Variants in ZFPM2 observed in about 807,000 individuals in gnomAD.
ZFPM2 encodes the protein zinc finger protein, FOG family member 2.
A neutral mutation model predicts 98.6 loss-of-function variants in ZFPM2; 20 were observed. The ratio of observed to expected loss-of-function variants is 0.20; its 90% CI spans 0.14 to 0.29. ZFPM2 has a LOEUF of 0.29. ZFPM2 is among the 10% of genes least tolerant of loss of function. ZFPM2 has a pLI of 1.00. For synonymous variants in ZFPM2, 518 were observed against 502.7 expected, an observed-to-expected ratio of 1.03 and a Z score of -0.41; for missense variants, 1,310 against 1,388.6, an observed-to-expected ratio of 0.94 and a Z score of 0.90.
intron 2 of ZFPM2, among the ~76,000 whole-genome samples, chr8:105,438,066 T>A (rs915266648): frequency 6.6e-6 from 1 of 152,016 alleles, no homozygotes; most frequent in African/African-American, 2.4e-5. Flanking sequence ...ATAATAAAAA[T>A]AAAAAATAAA....
At chr8:105,458,074 A>T (rs879637364) in intron 3 of ZFPM2, among the ~76,000 whole-genome samples, 52 of 152,058 alleles carry the variant, frequency 3.4e-4, no homozygotes, top group South Asian at 6.2e-4. Flanking sequence ...TGGCTGTTGG[A>T]AGTTTTTGGA....
intron 4 of ZFPM2, among the ~76,000 whole-genome samples, chr8:105,630,031 G>A (rs1816727914): frequency 6.6e-6 from 1 of 152,128 alleles, no homozygotes; most frequent in Admixed American, 6.5e-5. Flanking sequence ...TTAGGAAATA[G>A]GCATCTTTGG....
intron 5 of ZFPM2, among the ~76,000 whole-genome samples, chr8:105,706,232 A>G (rs1811256809): frequency 6.6e-6 from 1 of 152,188 alleles, no homozygotes; most frequent in African/African-American, 2.4e-5. Context: ...AAATATAAAC[A>G]TACATAGGAT....
At chr8:105,475,967 G>T (rs1187803463) in intron 3 of ZFPM2, among the ~76,000 whole-genome samples, 1 of 152,206 alleles carries the variant, frequency 6.6e-6, no homozygotes, top group Non-Finnish European at 1.5e-5. Flanking sequence ...AGCCAGAGCT[G>T]TAGAGTCAGA....
rs190747355 is a variant in ZFPM2, at chr8:105,361,978, A to G, written c.40+42997A>G. On this transcript the variant is annotated intron_variant, in intron 1 of 7. Transcript: ENST00000407775. ...CATGCAGCCTGGGCAGGTTTACTCT[A>G]TGATGTTACATAACAATGAAATCAC... 2.5e-4 allele frequency among the ~76,000 whole-genome samples: 38 copies of G among 152,220 alleles called. 1 individual carries two copies. Among genetic ancestry groups the G allele is most frequent in the Admixed American group, 2.4e-3 (36 of 15,286 alleles).
intron 1 of ZFPM2, among the ~76,000 whole-genome samples, chr8:105,408,786 C>T (rs1385675774): frequency 6.6e-6 from 1 of 151,812 alleles, no homozygotes; most frequent in Non-Finnish European, 1.5e-5. Flanking sequence ...GAGGGCCAAA[C>T]TGGCAGTGTT....
In ZFPM2 at chr8:105,318,902, G is replaced by A. The variant is rs1363366262; in HGVS notation, c.-40G>A. On this transcript the variant is annotated 5_prime_UTR_variant, in exon 1 of 8. Transcript: ENST00000407775. Reference sequence around the variant, plus strand: ...CCGAGGGAGCGGCAGCCGCGACCGCGGGCACCGCGGGAGCCCCAGCGGCAG... The same window carrying A: ...CCGAGGGAGCGGCAGCCGCGACCGCAGGCACCGCGGGAGCCCCAGCGGCAG... The A allele has an allele frequency of 1.2e-5, 16 of 1,307,346 alleles. No individual in the cohort carries two copies. In the South Asian group the frequency reaches 1.9e-4, roughly 16 times the overall value. 81.0% of individuals were successfully genotyped at this position (1,307,346 alleles called of 1,614,324 possible).
chr8:105,382,184 A>G, intron 1 of ZFPM2, among the ~76,000 whole-genome samples: 1 of 152,056 alleles, frequency 6.6e-6, no homozygotes, highest in East Asian at 1.9e-4. Flanking sequence ...ATAGTTGACA[A>G]ATTATACTTC....
At chr8:105,319,276 C>T (rs1156542550) in intron 1 of ZFPM2, among the ~76,000 whole-genome samples, 1 of 152,176 alleles carries the variant, frequency 6.6e-6, no homozygotes, top group Non-Finnish European at 1.5e-5. Context: ...GCTGCGAGTC[C>T]CCGGCGCTGT....
chr8:105,530,605 G>A (rs765700319), intron 3 of ZFPM2, among the ~76,000 whole-genome samples: 4 of 152,102 alleles, frequency 2.6e-5, no homozygotes, highest in Admixed American at 6.6e-5. Context: ...ATGAAACAGC[G>A]AGCATGTGCT....
intron 3 of ZFPM2, among the ~76,000 whole-genome samples, chr8:105,470,764 C>T (rs530891118): frequency 6.6e-6 from 1 of 151,832 alleles, no homozygotes; most frequent in East Asian, 1.9e-4. Context: ...GGTGAAAGAG[C>T]AAGACTTCAT....
chr8:105,589,413 T>G (rs1014902575), intron 4 of ZFPM2, among the ~76,000 whole-genome samples: 1 of 152,176 alleles, frequency 6.6e-6, no homozygotes, highest in Non-Finnish European at 1.5e-5. Flanking sequence ...TTGGCAAAAG[T>G]GACTTTTTGT....
chr8:105,690,335 C>G (rs1352629287), intron 5 of ZFPM2, among the ~76,000 whole-genome samples: 1 of 152,184 alleles, frequency 6.6e-6, no homozygotes, highest in Non-Finnish European at 1.5e-5. Context: ...TCAGAATAAG[C>G]CAGTGCTGTT....
At chr8:105,785,334 C>CA (rs1813383330) in intron 5 of ZFPM2, 2 of 150,732 alleles carry the variant, frequency 1.3e-5, no homozygotes, top group African/African-American at 5.0e-5. Flanking sequence ...AACACACACA[C>CA]ACGCACACGC....
chr8:105,430,049 A>G (rs995283020), intron 2 of ZFPM2, among the ~76,000 whole-genome samples: 5 of 152,216 alleles, frequency 3.3e-5, no homozygotes, highest in African/African-American at 9.6e-5. Flanking sequence ...TCGCTTCAGA[A>G]TTCTGAGGCT....
intron 1 of ZFPM2, among the ~76,000 whole-genome samples, chr8:105,381,129 A>G (rs1160539743): frequency 7.9e-6 from 1 of 126,508 alleles, no homozygotes; most frequent in East Asian, 2.3e-4. Flanking sequence ...CCCTATGTCC[A>G]TGTGTTTTCA....
At chr8:105,599,332 A>T (rs1816041542) in intron 4 of ZFPM2, among the ~76,000 whole-genome samples, 1 of 151,250 alleles carries the variant, frequency 6.6e-6, no homozygotes, top group African/African-American at 2.4e-5. Context: ...GTTTCCTAGT[A>T]TAACACAAAA....
At chr8:105,445,972 G>T (rs1265480523) in intron 3 of ZFPM2, among the ~76,000 whole-genome samples, 1 of 151,586 alleles carries the variant, frequency 6.6e-6, no homozygotes, top group Non-Finnish European at 1.5e-5. Flanking sequence ...CCAGGCTGGA[G>T]TGCAGTGGCA....
chr8:105,358,957 A>C (rs533866987), intron 1 of ZFPM2, among the ~76,000 whole-genome samples: 1 of 152,210 alleles, frequency 6.6e-6, no homozygotes, highest in Non-Finnish European at 1.5e-5. Context: ...CCATCTAAAA[A>C]GAAAAGAAAA....
Sources: gnomAD v4.1 joint callset for allele counts (sites outside exome capture counted in the v4.1 genomes callset) on GRCh38, gnomAD v4.1.1 for gene constraint, MANE v1.5 for transcripts, NCBI Gene and HGNC (gene_info 2026-07-23, HGNC 2026-07-21) for gene names.